CNTNAP2: variants seen among roughly 807,000 people sequenced by gnomAD.
CNTNAP2 encodes contactin-associated protein-like 2.
CNTNAP2 carries 98 observed loss-of-function variants against 155.2 expected under a neutral mutation model. The observed-to-expected ratio is 0.63, with a 90% CI of 0.54 to 0.75. The LOEUF (loss-of-function observed/expected upper bound fraction) is 0.75. Ranked by LOEUF, CNTNAP2 falls within the 30% of genes least tolerant of loss-of-function variation. The pLI, the probability that CNTNAP2 is intolerant of heterozygous loss-of-function variation, is 0.00. For missense variants in CNTNAP2, 1,727 were observed against 1,688.1 expected (o/e 1.02, Z -0.40); for synonymous variants, 651 against 631.2 (o/e 1.03, Z -0.47).
At chr7:147,404,361 T>C (rs1371885151) in intron 10 of CNTNAP2, among the ~76,000 whole-genome samples, 1 of 152,184 alleles carries the variant, frequency 6.6e-6, no homozygotes, top group East Asian at 1.9e-4. Context: ...ACAAAAGCTC[T>C]TGCGTCCTAA....
At chr7:147,013,293 T>C (rs1024452484) in intron 3 of CNTNAP2, among the ~76,000 whole-genome samples, 1 of 152,084 alleles carries the variant, frequency 6.6e-6, no homozygotes, top group Non-Finnish European at 1.5e-5. Context: ...GTACTAAATA[T>C]TGAGGGGTGT....
At chr7:146,913,246 T>A (rs1488219775) in intron 3 of CNTNAP2, among the ~76,000 whole-genome samples, 2 of 152,106 alleles carry the variant, frequency 1.3e-5, no homozygotes, top group African/African-American at 4.8e-5. Flanking sequence ...CTGACGTGCA[T>A]GGTATCTGTA....
At chr7:147,658,639 ATGCT>A (rs1488905994) in intron 13 of CNTNAP2, among the ~76,000 whole-genome samples, 7 of 152,166 alleles carry the variant, frequency 4.6e-5, no homozygotes. Context: ...TTAAAATCAG[ATGCT>A]TGCTTCTTGG....
chr7:146,967,145 G>A (rs1158063990), intron 3 of CNTNAP2, among the ~76,000 whole-genome samples: 16 of 152,140 alleles, frequency 1.1e-4, no homozygotes, highest in Admixed American at 1.0e-3. Flanking sequence ...TAATCTTCAT[G>A]ATAGGCCTAT....
chr7:147,401,449 T>C (rs1796910563), intron 10 of CNTNAP2, among the ~76,000 whole-genome samples: 2 of 152,208 alleles, frequency 1.3e-5, no homozygotes, highest in Admixed American at 6.5e-5. Context: ...TTTGATTTTT[T>C]TCTTTCAAAG....
chr7:147,508,014 CCTT>C (rs1798943117), intron 11 of CNTNAP2, among the ~76,000 whole-genome samples: 2 of 152,106 alleles, frequency 1.3e-5, no homozygotes, highest in Admixed American at 6.5e-5. Flanking sequence ...CTCAGGCTTT[CCTT>C]CTCAACATAT....
intron 13 of CNTNAP2, among the ~76,000 whole-genome samples, chr7:147,802,730 A>G (rs1009988728): frequency 7.0e-6 from 1 of 142,314 alleles, no homozygotes; most frequent in African/African-American, 2.6e-5. Flanking sequence ...GCAGCAGTAC[A>G]GTCCAGCTTC....
chr7:148,099,248 T>A (rs1804042372), intron 15 of CNTNAP2, among the ~76,000 whole-genome samples: 1 of 152,226 alleles, frequency 6.6e-6, no homozygotes, highest in Non-Finnish European at 1.5e-5. Context: ...GTTGAAATAC[T>A]GCTTAGAACA....
intron 12 of CNTNAP2, among the ~76,000 whole-genome samples, chr7:147,602,117 A>G (rs1584846726): frequency 6.6e-6 from 1 of 152,004 alleles, no homozygotes; most frequent in African/African-American, 2.4e-5. Context: ...ATGGATGACC[A>G]TTAGTGTAAT....
intron 9 of CNTNAP2, among the ~76,000 whole-genome samples, chr7:147,356,321 A>G (rs577689123): frequency 6.6e-6 from 1 of 152,236 alleles, no homozygotes; most frequent in African/African-American, 2.4e-5. Flanking sequence ...CCCACAGCCA[A>G]TATCATATTG....
intron 13 of CNTNAP2, among the ~76,000 whole-genome samples, chr7:147,787,111 G>A (rs534958365): frequency 6.6e-6 from 1 of 152,302 alleles, no homozygotes; most frequent in Admixed American, 6.5e-5. Context: ...GAATAGTGAT[G>A]CATATGGTAG....
chr7:148,261,115 G>C (rs1796552095), intron 20 of CNTNAP2, among the ~76,000 whole-genome samples: 1 of 152,136 alleles, frequency 6.6e-6, no homozygotes, highest in African/African-American at 2.4e-5. Flanking sequence ...TTCATCTCCT[G>C]CTTTCAGGAA....
intron 6 of CNTNAP2, among the ~76,000 whole-genome samples, chr7:147,124,563 C>G (rs945826039): frequency 2.0e-5 from 3 of 152,080 alleles, no homozygotes; most frequent in Non-Finnish European, 4.4e-5. Flanking sequence ...GTATTTCCAT[C>G]ATATAGTTGC....
intron 1 of CNTNAP2, among the ~76,000 whole-genome samples, chr7:146,535,192 T>TATATCATATATCATATATATGATATA (rs1797837849): frequency 5.1e-5 from 2 of 39,464 alleles, no homozygotes; most frequent in South Asian, 7.9e-4. Context: ...TATATGATAT[T>TATATCATATATCATATATATGATATA]ATATCATATA....
intron 1 of CNTNAP2, among the ~76,000 whole-genome samples, chr7:146,609,364 G>T (rs1046949059): frequency 2.6e-5 from 4 of 152,104 alleles, no homozygotes; most frequent in African/African-American, 9.7e-5. Context: ...AAACAAATAG[G>T]ATTTTATATT....
chr7:146,741,609 G>T (rs1000869811), intron 1 of CNTNAP2, among the ~76,000 whole-genome samples: 5 of 152,182 alleles, frequency 3.3e-5, no homozygotes, highest in Admixed American at 6.5e-5. Flanking sequence ...TGAATTTATG[G>T]TGAAGACTGT....
At chr7:146,389,206 C>A (rs889956549) in intron 1 of CNTNAP2, among the ~76,000 whole-genome samples, 4 of 145,652 alleles carry the variant, frequency 2.7e-5, no homozygotes, top group African/African-American at 5.2e-5. Flanking sequence ...TATTATGGAG[C>A]AAATTGTAGG....
chr7:148,239,587 G>A (rs1451036044), intron 20 of CNTNAP2, among the ~76,000 whole-genome samples: 1 of 152,108 alleles, frequency 6.6e-6, no homozygotes, highest in Non-Finnish European at 1.5e-5. Flanking sequence ...GTTTTGGGTT[G>A]AGCTATGGCT....
intron 1 of CNTNAP2, among the ~76,000 whole-genome samples, chr7:146,676,588 CTG>C (rs561063984): frequency 6.6e-6 from 1 of 151,972 alleles, no homozygotes; most frequent in South Asian, 2.1e-4. Flanking sequence ...CTGTAGTAGT[CTG>C]TTTTCATGCT....
Sources: gnomAD v4.1 joint callset for allele counts (sites outside exome capture counted in the v4.1 genomes callset) on GRCh38, gnomAD v4.1.1 for gene constraint, MANE v1.5 for transcripts, NCBI Gene and HGNC (gene_info 2026-07-23, HGNC 2026-07-21) for gene names.